The following TAFA1 variants were observed in gnomAD, a reference collection of about 807,000 sequenced individuals.
The protein encoded by TAFA1 is chemokine-like protein TAFA-1.
Under a neutral mutation model 18.5 loss-of-function variants are expected in TAFA1, and 4 were observed. The observed-to-expected ratio is 0.22, with a 90% CI of 0.11 to 0.49. The LOEUF (loss-of-function observed/expected upper bound fraction) is 0.49, where lower values mean the gene tolerates loss of function less well. Ranked by LOEUF, TAFA1 falls within the 20% of genes least tolerant of loss-of-function variation. TAFA1 has a pLI of 0.98. For synonymous variants in TAFA1, 56 were observed against 55.2 expected (o/e 1.01, Z -0.06); for missense variants, 147 against 169.0 (o/e 0.87, Z 0.72).
intron 2 of TAFA1, among the ~76,000 whole-genome samples, chr3:68,350,116 G>C (rs2069239231): frequency 6.6e-6 from 1 of 152,094 alleles, no homozygotes; most frequent in African/African-American, 2.4e-5. Context: ...TAAAAACTCT[G>C]GTGGGCCAAA....
At chr3:68,182,975 CAA>C (rs2066222851) in intron 2 of TAFA1, among the ~76,000 whole-genome samples, 1 of 152,094 alleles carries the variant, frequency 6.6e-6, no homozygotes, top group Non-Finnish European at 1.5e-5. Context: ...AACAAATCAT[CAA>C]AGTCATGTAT....
chr3:68,531,927 A>G (rs1176131820), intron 3 of TAFA1, among the ~76,000 whole-genome samples: 1 of 152,224 alleles, frequency 6.6e-6, no homozygotes, highest in Non-Finnish European at 1.5e-5. Flanking sequence ...AGAAACACAT[A>G]GGAGCACTCA....
intron 2 of TAFA1, among the ~76,000 whole-genome samples, chr3:68,182,999 T>G (rs1212289492): frequency 6.6e-6 from 1 of 152,160 alleles, no homozygotes; most frequent in Non-Finnish European, 1.5e-5. Context: ...TTTATTTCAG[T>G]TGGTTCAACC....
chr3:68,090,968 C>T (rs1176542873), intron 2 of TAFA1, among the ~76,000 whole-genome samples: 3 of 152,118 alleles, frequency 2.0e-5, no homozygotes, highest in Non-Finnish European at 2.9e-5. Context: ...TTTTTTAAAA[C>T]AATCCAATCT....
chr3:68,290,041 G>A (rs1318067800), intron 2 of TAFA1, among the ~76,000 whole-genome samples: 2 of 152,158 alleles, frequency 1.3e-5, no homozygotes, highest in Non-Finnish European at 2.9e-5. Flanking sequence ...ATAATATTCT[G>A]TTGAACTTTA....
At chr3:68,399,173 A>G (rs191365228) in intron 2 of TAFA1, among the ~76,000 whole-genome samples, 56 of 152,314 alleles carry the variant, frequency 3.7e-4, no homozygotes, top group African/African-American at 1.3e-3. Context: ...TATACTGAGC[A>G]GTTCATATTA....
intron 2 of TAFA1, among the ~76,000 whole-genome samples, chr3:68,255,592 C>A (rs1193548614): frequency 6.6e-6 from 1 of 152,010 alleles, no homozygotes; most frequent in Non-Finnish European, 1.5e-5. Flanking sequence ...TCAGGTGATG[C>A]CAGGGTCAAT....
chr3:68,365,450 A>T (rs1397065055), intron 2 of TAFA1, among the ~76,000 whole-genome samples: 1 of 152,222 alleles, frequency 6.6e-6, no homozygotes, highest in Non-Finnish European at 1.5e-5. Context: ...AGAGGCAGGT[A>T]AGAAATATGG....
intron 3 of TAFA1, among the ~76,000 whole-genome samples, chr3:68,418,538 A>G (rs1450006488): frequency 6.6e-6 from 1 of 151,612 alleles, no homozygotes; most frequent in African/African-American, 2.4e-5. Flanking sequence ...GGAGCAGGGC[A>G]TATTCACTTC....
At chr3:68,249,585 CA>C (rs933752316) in intron 2 of TAFA1, among the ~76,000 whole-genome samples, 15 of 151,210 alleles carry the variant, frequency 9.9e-5, no homozygotes, top group African/African-American at 2.9e-4. Context: ...GCTCAGGAGG[CA>C]AAAAAAACTT....
chr3:68,135,408 C>A (rs944387508), intron 2 of TAFA1, among the ~76,000 whole-genome samples: 1 of 152,178 alleles, frequency 6.6e-6, no homozygotes, highest in Admixed American at 6.5e-5. Context: ...TATCTGAGAT[C>A]CTGCATGTGA....
intron 2 of TAFA1, among the ~76,000 whole-genome samples, chr3:68,013,851 G>T (rs952052051): frequency 1.3e-5 from 2 of 152,094 alleles, no homozygotes; most frequent in African/African-American, 4.8e-5. Context: ...TTATCACAGG[G>T]TTTCTCCAAG....
At chr3:68,359,664 G>A (rs1234633882) in intron 2 of TAFA1, among the ~76,000 whole-genome samples, 2 of 151,866 alleles carry the variant, frequency 1.3e-5, no homozygotes, top group Non-Finnish European at 2.9e-5. Context: ...AACCCAGTGG[G>A]ACCGATGTTA....
chr3:68,013,838 A>T lies in TAFA1; in HGVS notation c.118+7094A>T, dbSNP rs575964551. ...AGGTCCAAAAAAGAAAAGAAAAATG[A>T]TATTATCACAGGGTTTCTCCAAGAA... is the stretch of plus-strand genomic sequence containing the variant. On this transcript the variant is annotated intron_variant, in intron 2 of 4. Coordinates refer to ENST00000478136, the MANE Select transcript of TAFA1 (RefSeq NM_213609.4). 3.3e-5 allele frequency among the ~76,000 whole-genome samples: 5 copies of T among 152,300 alleles called. No homozygotes were observed. In the South Asian group the frequency reaches 1.0e-3, roughly 32 times the overall value.
chr3:68,542,469 G>A (rs190342561), intron 4 of TAFA1, among the ~76,000 whole-genome samples: 55 of 152,170 alleles, frequency 3.6e-4, no homozygotes, highest in Non-Finnish European at 6.2e-4. Flanking sequence ...TTTGAAAGTT[G>A]GGGAGGCTCT....
Position 68,278,338 on chromosome 3 carries a change from T to C in TAFA1, c.119-138942T>C, listed in dbSNP as rs55934983. Among the ~76,000 whole-genome samples, 416 of 152,216 alleles carry C rather than the reference T, an allele frequency of 2.7e-3. 3 individuals carry two copies. Among genetic ancestry groups the C allele is most frequent in the African/African-American group, 9.5e-3 (393 of 41,554 alleles). On this transcript the variant is annotated intron_variant, in intron 2 of 4. Coordinates refer to ENST00000478136, the MANE Select transcript of TAFA1 (RefSeq NM_213609.4). ...ACACTCAAAAGTAGAACAAATAATA[T>C]AAACTAAGAATCCCACTACCCGTCA... is the stretch of plus-strand genomic sequence containing the variant.
intron 2 of TAFA1, among the ~76,000 whole-genome samples, chr3:68,346,430 T>A (rs1167266555): frequency 6.6e-6 from 1 of 152,174 alleles, no homozygotes; most frequent in Non-Finnish European, 1.5e-5. Flanking sequence ...AGTGCTGACA[T>A]TACAGGCAAT....
At chr3:68,406,596 T>C (rs780273823) in intron 2 of TAFA1, among the ~76,000 whole-genome samples, 2 of 152,188 alleles carry the variant, frequency 1.3e-5, no homozygotes, top group Non-Finnish European at 2.9e-5. Flanking sequence ...TTGTTTCATT[T>C]CTGAGATTGC....
chr3:67,995,522 C>G, the TAFA1 span, among the ~76,000 whole-genome samples: 1 of 152,152 alleles, frequency 6.6e-6, no homozygotes, highest in Non-Finnish European at 1.5e-5. Flanking sequence ...TTATAATTCT[C>G]TTTTTCTCTA....
Sources: gnomAD v4.1 joint callset for allele counts (sites outside exome capture counted in the v4.1 genomes callset) on GRCh38, gnomAD v4.1.1 for gene constraint, MANE v1.5 for transcripts, NCBI Gene and HGNC (gene_info 2026-07-23, HGNC 2026-07-21) for gene names.